JMJD1C: variants seen among roughly 807,000 people sequenced by gnomAD.
JMJD1C encodes the protein jumonji domain-containing protein 1C.
JMJD1C carries 31 observed loss-of-function variants against 245.3 expected under a neutral mutation model. That is an observed-to-expected ratio of 0.13 (90% CI 0.09 to 0.17). The LOEUF (loss-of-function observed/expected upper bound fraction) is 0.17. Among genes scored for constraint, JMJD1C ranks in the 10% least tolerant of loss-of-function variants. The probability of loss-of-function intolerance (pLI) is 1.00; values close to 1 mark genes in which losing one functional copy is unlikely to be tolerated. For missense variants in JMJD1C, 2,691 were observed against 3,000.2 expected, an observed-to-expected ratio of 0.90 and a Z score of 2.41; for synonymous variants, 1,057 against 1,017.4, an observed-to-expected ratio of 1.04 and a Z score of -0.74.
intron 3 of JMJD1C, among the ~76,000 whole-genome samples, chr10:63,248,086 G>C (rs1852493742): frequency 6.6e-6 from 1 of 151,774 alleles, no homozygotes; most frequent in Admixed American, 6.6e-5. Flanking sequence ...AAATTAGCTG[G>C]GTGTGGTGGC....
chr10:63,290,587 TA>T (rs1216983508), intron 2 of JMJD1C, among the ~76,000 whole-genome samples: 1 of 151,950 alleles, frequency 6.6e-6, no homozygotes, highest in African/African-American at 2.4e-5. Flanking sequence ...AAGTAGATGG[TA>T]AAAAGCTTCT....
intron 2 of JMJD1C, among the ~76,000 whole-genome samples, chr10:63,298,188 C>A (rs1859664240): frequency 6.6e-6 from 1 of 152,202 alleles, no homozygotes; most frequent in Non-Finnish European, 1.5e-5. Context: ...CTGCTCCTGG[C>A]TCGCCCTTGA....
chr10:63,326,953 G>A (rs962527448), intron 2 of JMJD1C, among the ~76,000 whole-genome samples: 35 of 152,260 alleles, frequency 2.3e-4, no homozygotes, highest in African/African-American at 7.7e-4. Flanking sequence ...TTGGGAGACC[G>A]AGACAGGAAG....
intron 2 of JMJD1C, chr10:63,269,356 G>C (rs1750650400): frequency 3.8e-6 from 1 of 263,488 alleles, no homozygotes; most frequent in South Asian, 1.4e-4. Flanking sequence ...ATTTGGCTGC[G>C]GCCATAGAGA....
chr10:63,466,002 G>A (rs1182768525), upstream of JMJD1C: 5 of 270,822 alleles, frequency 1.8e-5, no homozygotes, highest in Non-Finnish European at 3.5e-5. Flanking sequence ...CCCGGGCAGC[G>A]GCGGCGCGCA....
Position 63,189,536 on chromosome 10 carries a change from T to C in JMJD1C, c.6292-90A>G, listed in dbSNP as rs1844511965. The C allele has an allele frequency of 2.8e-6, 3 of 1,053,538 alleles. No homozygotes were observed. The African/African-American group carries it at 4.8e-5, about 17-fold the overall frequency. The allele number at this position is 1,053,538 out of a possible 1,614,324, so 65.3% of individuals were successfully genotyped here. ...CACAGACTTATTTTTTTTTAAACAA[T>C]ATCCCTACACTCCACAATATGCACT... On this transcript the variant is annotated intron_variant, in intron 17 of 25. Transcript: ENST00000399262.
chr10:63,323,966 A>T (rs1343565045), intron 2 of JMJD1C, among the ~76,000 whole-genome samples: 2 of 151,892 alleles, frequency 1.3e-5, no homozygotes. Context: ...ATGAAGAACC[A>T]GGAGCACCCA....
chr10:63,209,126 G>A lies in JMJD1C; in HGVS notation c.2804C>T (p.Pro935Leu), dbSNP rs1421416607. 1.9e-6 allele frequency: 3 copies of A among 1,613,776 alleles called. No individual in the cohort carries two copies. Among genetic ancestry groups the A allele is most frequent in the Non-Finnish European group, 1.7e-6 (2 of 1,179,862 alleles). Residue 935 changes from proline to leucine, a missense_variant, in exon 9 of 26, where the codon CCT (proline) becomes CTT (leucine). Transcript: ENST00000399262. ...ACTGGAATGGGCTGTAATTTTAAGA[G>A]GCCGATGAGGCTCTGCACTGGAAGG... Reference protein sequence around the residue: ...VRPSSAEPHRPLKITAHSSPP... With the variant: ...VRPSSAEPHRLLKITAHSSPP...
At chr10:63,195,468 C>G (rs553765616) in intron 13 of JMJD1C, among the ~76,000 whole-genome samples, 2 of 152,168 alleles carry the variant, frequency 1.3e-5, no homozygotes, top group South Asian at 4.1e-4. Flanking sequence ...TCTGCAAAAC[C>G]TACACGGTAA....
At chr10:63,261,175 C>T (rs1564699604) in intron 3 of JMJD1C, among the ~76,000 whole-genome samples, 1 of 152,148 alleles carries the variant, frequency 6.6e-6, no homozygotes, top group Non-Finnish European at 1.5e-5. Flanking sequence ...CCATTATACT[C>T]TCTGAAAATG....
chr10:63,321,883 G>A (rs890741810), intron 2 of JMJD1C, among the ~76,000 whole-genome samples: 3 of 152,186 alleles, frequency 2.0e-5, no homozygotes, highest in Admixed American at 1.3e-4. Flanking sequence ...CCACACACCA[G>A]TTCAAAACAG....
intron 3 of JMJD1C, among the ~76,000 whole-genome samples, chr10:63,253,152 G>T (rs1262728019): frequency 6.6e-6 from 1 of 152,030 alleles, no homozygotes; most frequent in Non-Finnish European, 1.5e-5. Context: ...TAGAAAAGTG[G>T]GGGGAAAAAT....
intron 2 of JMJD1C, among the ~76,000 whole-genome samples, chr10:63,308,751 CAAAAAAAAA>C (rs377153800): frequency 2.0e-5 from 1 of 49,856 alleles, no homozygotes; most frequent in African/African-American, 7.0e-5. Flanking sequence ...CATTTGAGAA[CAAAAAAAAA>C]AAAAAAAAGA....
Position 63,183,498 on chromosome 10 carries a change from T to A in JMJD1C, c.7033A>T (p.Ile2345Leu). Residue 2345 changes from isoleucine to leucine, a missense_variant, in exon 22 of 26, where the codon ATA (isoleucine) becomes TTA (leucine). Coordinates refer to ENST00000399262, the MANE Select transcript of JMJD1C (RefSeq NM_032776.3). Reference sequence around the variant, plus strand: ...TTTGCTATGCCAACATAAACTAGTATATTTACAACATCAGAAACTTCAATA... The same window carrying A: ...TTTGCTATGCCAACATAAACTAGTAAATTTACAACATCAGAAACTTCAATA... Reference protein sequence around the residue: ...LHIEVSDVVNILVYVGIAKGN... With the variant: ...LHIEVSDVVNLLVYVGIAKGN... 1 of 1,608,084 alleles carries A rather than the reference T, an allele frequency of 6.2e-7. No individual in the cohort carries two copies. The highest frequency in any genetic ancestry group is 8.5e-7 in the Non-Finnish European group (1 of 1,176,314).
At chr10:63,296,302 G>T (rs1859427238) in intron 2 of JMJD1C, among the ~76,000 whole-genome samples, 1 of 151,902 alleles carries the variant, frequency 6.6e-6, no homozygotes, top group Non-Finnish European at 1.5e-5. Flanking sequence ...GAGACACCAT[G>T]CCTGGCTATC....
At chr10:63,306,037 TAAAA>T (rs1320636972) in intron 2 of JMJD1C, among the ~76,000 whole-genome samples, 1 of 151,980 alleles carries the variant, frequency 6.6e-6, no homozygotes, top group African/African-American at 2.4e-5. Context: ...CCCCATCTCT[TAAAA>T]AAAGAAAAGA....
At chr10:63,203,332 C>T (rs1273629277) in intron 10 of JMJD1C, 2 of 984,012 alleles carry the variant, frequency 2.0e-6, no homozygotes, top group Non-Finnish European at 1.2e-6. Context: ...CAAAAAAATA[C>T]CTAACTCAAT....
At chr10:63,521,215 G>C (rs1444005503) in intron 1 of JMJD1C, 6 of 152,052 alleles carry the variant, frequency 3.9e-5, no homozygotes, top group African/African-American at 1.4e-4. Context: ...CTAGGATCCC[G>C]CCAGCCCAGC....
intron 2 of JMJD1C, among the ~76,000 whole-genome samples, chr10:63,273,115 G>C (rs1856485050): frequency 6.6e-6 from 1 of 152,156 alleles, no homozygotes; most frequent in South Asian, 2.1e-4. Context: ...AAATACTATA[G>C]AATCAATTCT....
Sources: allele counts gnomAD v4.1 joint callset (sites outside exome capture counted in the v4.1 genomes callset), GRCh38; gene constraint gnomAD v4.1.1; transcripts MANE v1.5; gene names NCBI Gene and HGNC (gene_info 2026-07-23, HGNC 2026-07-21).